ASAP3: variants seen among roughly 807,000 people sequenced by gnomAD.
The protein encoded by ASAP3 is ArfGAP with SH3 domain, ankyrin repeat and PH domain 3, also known as arf-GAP with SH3 domain, ANK repeat and PH domain-containing protein 3.
ASAP3 carries 85 observed loss-of-function variants against 118.2 expected under a neutral mutation model. That is an observed-to-expected ratio of 0.72 (90% CI 0.60 to 0.86). ASAP3 has a LOEUF of 0.86. Ranked by LOEUF, ASAP3 falls within the 40% of genes least tolerant of loss-of-function variation. ASAP3 has a pLI of 0.00. For synonymous variants in ASAP3, 432 were observed against 477.4 expected (o/e 0.90, Z 1.24); for missense variants, 1,026 against 1,175.0 (o/e 0.87, Z 1.85).
At chr1:23,447,210 C>T (rs570853898) in intron 5 of ASAP3, among the ~76,000 whole-genome samples, 8 of 152,322 alleles carry the variant, frequency 5.3e-5, no homozygotes, top group Middle Eastern at 3.4e-3. Context: ...TCTATACCAC[C>T]TGCCATTAGT....
intron 1 of ASAP3, among the ~76,000 whole-genome samples, chr1:23,458,381 G>A (rs946987272): frequency 6.6e-6 from 1 of 152,052 alleles, no homozygotes; most frequent in African/African-American, 2.4e-5. Context: ...CCAGCACTTG[G>A]GGAGGCCAAA....
chr1:23,477,812 C>T (rs1488908361), intron 1 of ASAP3, among the ~76,000 whole-genome samples: 1 of 152,210 alleles, frequency 6.6e-6, no homozygotes, highest in Non-Finnish European at 1.5e-5. Context: ...CTCCTGGGCT[C>T]AAGTGATCCT....
chr1:23,447,259 A>C (rs1641075998), intron 5 of ASAP3, among the ~76,000 whole-genome samples: 1 of 152,218 alleles, frequency 6.6e-6, no homozygotes, highest in South Asian at 2.1e-4. Context: ...TAGCTGTTTT[A>C]CTATTGCAGT....
At position 23,437,146 on chromosome 1, in the gene ASAP3, G is replaced by T. The variant is rs1225353539; in HGVS notation, c.1326C>A (p.Cys442Ter). 4.4e-6 allele frequency: 7 copies of T among 1,605,220 alleles called. No homozygotes were observed. Among genetic ancestry groups the T allele is most frequent in the Non-Finnish European group, 6.0e-6 (7 of 1,175,816 alleles). ...GGGACCGACCTGCAGCCCCGCAGTC[G>T]CAGCACTGGCTATTCCCAGGCCTGC... ...VKSRPGNSQC[C>*]DCGAADPTWL... Residue 442 changes from cysteine to a stop codon, truncating the protein, a stop_gained, in exon 14 of 25, where the codon TGC becomes TGA. Transcript: ENST00000336689. LOFTEE classifies it high-confidence loss of function. This position sits in a 1 kb window ranked among gnomAD's most constrained non-coding sequence, Gnocchi z 6.1.
chr1:23,482,792 CA>C (rs568815635), intron 1 of ASAP3, among the ~76,000 whole-genome samples: 68 of 148,356 alleles, frequency 4.6e-4, no homozygotes, highest in Admixed American at 6.0e-4. Flanking sequence ...ACTAAAAATA[CA>C]AAAAAAAAAT....
intron 22 of ASAP3, among the ~76,000 whole-genome samples, chr1:23,432,575 T>C (rs1260804262): frequency 1.3e-5 from 2 of 152,220 alleles, no homozygotes; most frequent in Admixed American, 1.3e-4. Flanking sequence ...CCACAACAAG[T>C]CTGTTCCTTC....
intron 5 of ASAP3, among the ~76,000 whole-genome samples, chr1:23,443,867 G>T (rs1421039715): frequency 6.6e-6 from 1 of 151,824 alleles, no homozygotes; most frequent in Non-Finnish European, 1.5e-5. Flanking sequence ...AGTACAGGTG[G>T]GTGTCACCAT....
At chr1:23,450,918 T>C (rs1388764607) in intron 5 of ASAP3, among the ~76,000 whole-genome samples, 3 of 152,204 alleles carry the variant, frequency 2.0e-5, no homozygotes, top group Non-Finnish European at 2.9e-5. Context: ...GGCTCCTTCT[T>C]TCCCCATGAT....
In ASAP3 at chr1:23,433,520, G is replaced by T. The variant is rs146824903; in HGVS notation, c.2032C>A (p.Gln678Lys). The change falls in exon 21 of 25, where the codon CAG becomes AAG. Residue 678 changes from glutamine to lysine, a missense_variant. By Grantham distance (53) the Gln-to-Lys change is moderately conservative (BLOSUM62 1). Coordinates refer to ENST00000336689, the MANE Select transcript of ASAP3 (RefSeq NM_017707.4). Reference sequence around the variant, plus strand: ...AGAGGGAAGGCAAAGGTCCCCGCCTGGGCCTGCTCCAGCTGCCAAAAACAA... The same window carrying T: ...AGAGGGAAGGCAAAGGTCCCCGCCTTGGCCTGCTCCAGCTGCCAAAAACAA... Reference protein sequence around the residue: ...KECEELLEQAQAGTFAFPLHV... With the variant: ...KECEELLEQAKAGTFAFPLHV... 143 of 1,614,206 alleles carry T rather than the reference G, an allele frequency of 8.9e-5. No homozygotes were observed. The African/African-American group carries it at 1.4e-3, about 16-fold the overall frequency.
At position 23,461,035 on chromosome 1, in the gene ASAP3, AGT is replaced by A. The variant is rs1409139289; in HGVS notation, c.130-4843_130-4842del. ...AAACTATGGAGACAGTAAAAAGATC[AGT>A]GGTGGCCAGGGATGGGGGTAGTGAG... On this transcript the variant is annotated intron_variant, in intron 1 of 24. Coordinates refer to ENST00000336689, the MANE Select transcript of ASAP3 (RefSeq NM_017707.4). Among the ~76,000 whole-genome samples the A allele has an allele frequency of 2.0e-5, 3 of 152,214 alleles. No individual in the cohort carries two copies. The East Asian group carries it at 5.8e-4, about 29-fold the overall frequency.
chr1:23,462,257 C>T (rs927591932), intron 1 of ASAP3, among the ~76,000 whole-genome samples: 3 of 151,524 alleles, frequency 2.0e-5, no homozygotes, highest in African/African-American at 7.3e-5. Flanking sequence ...ATCTCCTGAC[C>T]TCATGATCCG....
chr1:23,471,759 T>C (rs1641967022), intron 1 of ASAP3, among the ~76,000 whole-genome samples: 1 of 151,724 alleles, frequency 6.6e-6, no homozygotes, highest in Admixed American at 6.6e-5. Flanking sequence ...TTTAAGCACG[T>C]GGCCCAGCAT....
Position 23,441,742 on chromosome 1 carries a change from CAG to C in ASAP3, c.672-14_672-13del. On this transcript the variant is annotated splice_polypyrimidine_tract_variant and intron_variant, in intron 7 of 24. Transcript: ENST00000336689. ...CATCTTGGAAAAAGCTAAGAGGTGTCAGAGGCCAAACAAGGGTCCAGATAAAG... is the reference window on the plus strand; with the variant it reads ...CATCTTGGAAAAAGCTAAGAGGTGTCAGGCCAAACAAGGGTCCAGATAAAG... 6.2e-7 allele frequency: 1 copy of C among 1,614,016 alleles called. No homozygotes were observed. The highest frequency in any genetic ancestry group is 8.5e-7 in the Non-Finnish European group (1 of 1,179,984).
In ASAP3 at chr1:23,436,785, C is replaced by T; in HGVS notation, c.1476+126G>A. 1 of 1,542,458 alleles carries T rather than the reference C, an allele frequency of 6.5e-7. No individual in the cohort carries two copies. The highest frequency in any genetic ancestry group is 1.9e-5 in the Admixed American group (1 of 53,292). On this transcript the variant is annotated intron_variant, in intron 15 of 24. Coordinates refer to ENST00000336689, the MANE Select transcript of ASAP3 (RefSeq NM_017707.4). This position sits in a 1 kb window ranked among gnomAD's most constrained non-coding sequence, Gnocchi z 4.2. ...CGGTTCAGGCCCCGCCCCTGACCACCCGCTACCTGGCTTGTCCCAGCCCAC... is the reference window on the plus strand; with the variant it reads ...CGGTTCAGGCCCCGCCCCTGACCACTCGCTACCTGGCTTGTCCCAGCCCAC...
rs776792751 is a variant in ASAP3, at chr1:23,437,646, T to C, written c.1103-174A>G. ...TGACAGTGGCCAGCACCAGGGGCAG[T>C]TTCTCAGAACTGGCCTCCGAAGTAG... On this transcript the variant is annotated intron_variant, in intron 12 of 24. Coordinates refer to ENST00000336689, the MANE Select transcript of ASAP3 (RefSeq NM_017707.4). The surrounding 1 kb of genome is among the most constrained non-coding windows in gnomAD (Gnocchi z 6.1). Among the ~76,000 whole-genome samples, 1 of 152,026 alleles carries C rather than the reference T, an allele frequency of 6.6e-6. No homozygotes were observed. Among genetic ancestry groups the C allele is most frequent in the Non-Finnish European group, 1.5e-5 (1 of 68,012 alleles).
chr1:23,459,095 G>A (rs1641483846), intron 1 of ASAP3, among the ~76,000 whole-genome samples: 1 of 144,216 alleles, frequency 6.9e-6, no homozygotes, highest in South Asian at 2.2e-4. Context: ...TCTTGAACCC[G>A]AGAGGTGGAG....
intron 1 of ASAP3, among the ~76,000 whole-genome samples, chr1:23,458,809 C>A (rs1197374615): frequency 6.6e-6 from 1 of 151,960 alleles, no homozygotes; most frequent in East Asian, 1.9e-4. Flanking sequence ...ATCTTGAAAC[C>A]TGGAAAGCTA....
In ASAP3 at chr1:23,439,154, G is replaced by T; in HGVS notation, c.1014+7C>A. ...GCCCTGAGACTCCCACCACCTCTAG[G>T]CCTCACCGTGCTGTGTGAGATGGTC... On this transcript the variant is annotated splice_region_variant and intron_variant, in intron 11 of 24. Transcript: ENST00000336689. The T allele has an allele frequency of 1.2e-6, 2 of 1,613,790 alleles. No individual in the cohort carries two copies. The highest frequency in any genetic ancestry group is 1.7e-6 in the Non-Finnish European group (2 of 1,179,764).
intron 1 of ASAP3, among the ~76,000 whole-genome samples, chr1:23,478,465 T>C (rs974414305): frequency 8.2e-5 from 12 of 145,564 alleles, no homozygotes; most frequent in Admixed American, 2.1e-4. Flanking sequence ...AACTCTATCT[T>C]AAAAAAAAAC....
Sources: gnomAD v4.1 joint callset for allele counts (sites outside exome capture counted in the v4.1 genomes callset) on GRCh38, gnomAD v4.1.1 for gene constraint, Gnocchi (gnomAD v3.1) non-coding constraint, MANE v1.5 for transcripts, NCBI Gene and HGNC (gene_info 2026-07-23, HGNC 2026-07-21) for gene names.